The following PTPRD variants were observed in gnomAD, a reference collection of about 807,000 sequenced individuals.
PTPRD encodes the protein protein tyrosine phosphatase receptor type D, also known as receptor-type tyrosine-protein phosphatase delta.
Under a neutral mutation model 214.5 loss-of-function variants are expected in PTPRD, and 34 were observed. That is an observed-to-expected ratio of 0.16 (90% CI 0.12 to 0.21). The LOEUF is 0.21. Ranked by LOEUF, PTPRD falls within the 10% of genes least tolerant of loss-of-function variation. PTPRD has a pLI of 1.00. For missense variants in PTPRD, 2,545 were observed against 2,398.7 expected (o/e 1.06, Z -1.27); for synonymous variants, 1,128 against 845.7 (o/e 1.33, Z -5.79).
intron 5 of PTPRD, chr9:9,800,599 A>G (rs761954898): frequency 6.6e-6 from 1 of 152,194 alleles, no homozygotes; most frequent in Non-Finnish European, 1.5e-5. Flanking sequence ...CAAAGGAAGG[A>G]TCATTGTCTA....
chr9:10,033,615 G>A (rs2097124771), intron 4 of PTPRD, 103 bp downstream of exon 4: 1 of 151,972 alleles, frequency 6.6e-6, no homozygotes, highest in Non-Finnish European at 1.5e-5. Context: ...GTCAAGCAAT[G>A]ATGTTGACAT....
At chr9:8,836,493 AC>A (rs1475111249) in intron 11 of PTPRD, among the ~76,000 whole-genome samples, 1 of 151,968 alleles carries the variant, frequency 6.6e-6, no homozygotes, top group South Asian at 2.1e-4. Context: ...ATCCATCCTA[AC>A]AAAAAATAGT....
At chr9:9,478,086 T>A (rs1474661913) in intron 8 of PTPRD, among the ~76,000 whole-genome samples, 1 of 152,116 alleles carries the variant, frequency 6.6e-6, no homozygotes, top group Non-Finnish European at 1.5e-5. Flanking sequence ...GTTTTGATTG[T>A]CTCAAATAAT....
At chr9:9,520,512 GAAGA>G (rs1050843015) in intron 8 of PTPRD, among the ~76,000 whole-genome samples, 3 of 151,996 alleles carry the variant, frequency 2.0e-5, no homozygotes, top group Non-Finnish European at 4.4e-5. Context: ...CTCATAACTG[GAAGA>G]AATACAGTGT....
intron 11 of PTPRD, among the ~76,000 whole-genome samples, chr9:8,769,434 A>T (rs1373765872): frequency 1.3e-5 from 2 of 152,236 alleles, no homozygotes; most frequent in East Asian, 3.8e-4. Context: ...TAGCATCATC[A>T]ATCAATATTT....
intron 10 of PTPRD, among the ~76,000 whole-genome samples, chr9:9,077,993 G>A (rs1053107639): frequency 3.3e-5 from 5 of 152,114 alleles, no homozygotes; most frequent in South Asian, 2.1e-4. Flanking sequence ...AAAAGTTTAC[G>A]CTTTGTATTT....
At chr9:8,757,160 GAATA>G (rs1167814254) in intron 11 of PTPRD, among the ~76,000 whole-genome samples, 5 of 150,754 alleles carry the variant, frequency 3.3e-5, no homozygotes, top group Admixed American at 6.6e-5. Context: ...AATAATCTAT[GAATA>G]AATATTTATT....
chr9:10,142,614 G>C (rs1162849639), intron 3 of PTPRD, among the ~76,000 whole-genome samples: 2 of 149,724 alleles, frequency 1.3e-5, no homozygotes, highest in African/African-American at 2.5e-5. Context: ...TCATTAAAAA[G>C]TCAGGAAACA....
intron 9 of PTPRD, among the ~76,000 whole-genome samples, chr9:9,271,775 T>A (rs918006009): frequency 6.6e-6 from 1 of 151,320 alleles, no homozygotes; most frequent in African/African-American, 2.4e-5. Flanking sequence ...TCATGGATTT[T>A]AAAAAAAGAA....
At chr9:9,754,939 C>G (rs1171305725) in intron 6 of PTPRD, among the ~76,000 whole-genome samples, 2 of 151,826 alleles carry the variant, frequency 1.3e-5, no homozygotes, top group African/African-American at 4.8e-5. Flanking sequence ...GTTTGCAAAG[C>G]AGGTTAGACT....
At chr9:9,495,172 G>C (rs2096114437) in intron 8 of PTPRD, among the ~76,000 whole-genome samples, 1 of 151,924 alleles carries the variant, frequency 6.6e-6, no homozygotes, top group Admixed American at 6.6e-5. Flanking sequence ...ACCTCAAAAT[G>C]GGTCTAAATG....
intron 8 of PTPRD, among the ~76,000 whole-genome samples, chr9:9,546,937 G>T (rs1218078523): frequency 6.6e-6 from 1 of 150,542 alleles, no homozygotes; most frequent in African/African-American, 2.4e-5. Context: ...TTGTGTTAAA[G>T]TTCTCCAAAT....
At chr9:9,800,879 T>C (rs2099035239) in intron 5 of PTPRD, among the ~76,000 whole-genome samples, 1 of 152,156 alleles carries the variant, frequency 6.6e-6, no homozygotes, top group Non-Finnish European at 1.5e-5. Context: ...TTAATAAACA[T>C]TTCTTAAGGG....
intron 14 of PTPRD, among the ~76,000 whole-genome samples, chr9:8,626,264 ATTACT>A (rs1356975664): frequency 5.9e-5 from 9 of 151,892 alleles, no homozygotes; most frequent in Non-Finnish European, 1.2e-4. Context: ...TGTTTGATAG[ATTACT>A]TTAAGTGAAG....
chr9:9,016,213 G>C (rs1589838649), intron 11 of PTPRD, among the ~76,000 whole-genome samples: 1 of 152,046 alleles, frequency 6.6e-6, no homozygotes, highest in Admixed American at 6.6e-5. Context: ...TTTTATATTA[G>C]ATGTTTTCTC....
intron 10 of PTPRD, among the ~76,000 whole-genome samples, chr9:9,167,413 T>A (rs1287707706): frequency 1.3e-5 from 2 of 151,514 alleles, no homozygotes; most frequent in African/African-American, 2.4e-5. Flanking sequence ...AACTTTGGAA[T>A]AAAAATGATT....
chr9:9,435,077 G>C (rs2084689640), intron 8 of PTPRD, among the ~76,000 whole-genome samples: 2 of 151,842 alleles, frequency 1.3e-5, no homozygotes. Context: ...CTCTTTTAAT[G>C]TATTTCCTAA....
intron 11 of PTPRD, among the ~76,000 whole-genome samples, chr9:8,945,393 C>A (rs2099057683): frequency 6.6e-6 from 1 of 152,070 alleles, no homozygotes; most frequent in Admixed American, 6.6e-5. Context: ...ACTTGTTCAT[C>A]TTTTCACTTT....
chr9:9,502,831 A>G (rs1448541114), intron 8 of PTPRD, among the ~76,000 whole-genome samples: 1 of 151,976 alleles, frequency 6.6e-6, no homozygotes, highest in Non-Finnish European at 1.5e-5. Context: ...GCAAAAGAAT[A>G]TGCAAAATGA....
Sources: gnomAD v4.1 joint callset for allele counts (sites outside exome capture counted in the v4.1 genomes callset) on GRCh38, gnomAD v4.1.1 for gene constraint, MANE v1.5 for transcripts, NCBI Gene and HGNC (gene_info 2026-07-23, HGNC 2026-07-21) for gene names.